The following SNX29 variants were observed in gnomAD, a reference collection of about 807,000 sequenced individuals.
SNX29 encodes sorting nexin-29.
A neutral mutation model predicts 102.1 loss-of-function variants in SNX29; 78 were observed. The observed-to-expected ratio is 0.76, with a 90% CI of 0.64 to 0.92. SNX29 has a LOEUF of 0.92. Ranked by LOEUF, SNX29 falls within the 40% of genes least tolerant of loss-of-function variation. The pLI is 0.00. For missense variants in SNX29, 1,280 were observed against 1,061.7 expected (o/e 1.21, Z -2.86); for synonymous variants, 580 against 414.5 (o/e 1.40, Z -4.85).
chr16:12,088,095 C>G (rs1437111709), intron 11 of SNX29: 2 of 456,690 alleles, frequency 4.4e-6, no homozygotes. Context: ...GCTCTCCACA[C>G]AGGTCCTGCC....
intron 11 of SNX29, among the ~76,000 whole-genome samples, chr16:12,091,018 AAAAAAAAAAAAAAAAAAAAAGAAAG>A (rs1383193982): frequency 2.1e-5 from 2 of 94,028 alleles, no homozygotes; most frequent in Non-Finnish European, 4.6e-5. Flanking sequence ...TCATCTCAAA[AAAAAAAAAAAAAAAAAAAAAGAAAG>A]AAAAAGAAAA....
intron 14 of SNX29, among the ~76,000 whole-genome samples, chr16:12,235,981 T>G (rs1357051834): frequency 2.0e-5 from 3 of 152,352 alleles, no homozygotes; most frequent in Non-Finnish European, 4.4e-5. Flanking sequence ...GTAGGACTTC[T>G]TTCTGCTAGG....
chr16:12,362,319 A>C (rs545326264), intron 16 of SNX29, among the ~76,000 whole-genome samples: 23 of 152,290 alleles, frequency 1.5e-4, no homozygotes, highest in African/African-American at 5.3e-4. Context: ...CACAGGGCTC[A>C]GTTAGACTGG....
intron 18 of SNX29, among the ~76,000 whole-genome samples, chr16:12,451,040 C>T (rs1304056354): frequency 6.6e-6 from 1 of 152,062 alleles, no homozygotes; most frequent in African/African-American, 2.4e-5. Context: ...GAATATGCAC[C>T]TTCTACAAGC....
chr16:12,077,041 A>C (rs2051609034), intron 10 of SNX29, among the ~76,000 whole-genome samples: 1 of 152,194 alleles, frequency 6.6e-6, no homozygotes, highest in African/African-American at 2.4e-5. Context: ...TGGGAGGCCA[A>C]GGTGGGAGGA....
rs574519937 is a variant in SNX29 at position 12,456,393 on chromosome 16, C to T, written c.2038-21326C>T. ...AAATACAGCACGATACTGGAAAAAACTAGGCAAGATAATTGCTCATTATAC... is the reference window on the plus strand; with the variant it reads ...AAATACAGCACGATACTGGAAAAAATTAGGCAAGATAATTGCTCATTATAC... On this transcript the variant is annotated intron_variant, in intron 18 of 20. Transcript: ENST00000566228. Among the ~76,000 whole-genome samples the T allele has an allele frequency of 7.9e-5, 12 of 152,260 alleles. No individual in the cohort carries two copies. The South Asian group carries it at 8.3e-4, about 11-fold the overall frequency.
In SNX29 at chr16:12,455,401, G is replaced by T. The variant is rs922359204; in HGVS notation, c.2038-22318G>T. ...ACACACCAGGCAAGCCCTGCATACC[G>T]GCTTGGCCAGCACCCGCCGTGGCTG... On this transcript the variant is annotated intron_variant, in intron 18 of 20. Transcript: ENST00000566228. Among the ~76,000 whole-genome samples the T allele has an allele frequency of 3.9e-5, 6 of 152,226 alleles. No homozygotes were observed. In the East Asian group the frequency reaches 1.2e-3, roughly 29 times the overall value.
intron 20 of SNX29, among the ~76,000 whole-genome samples, chr16:12,551,084 C>CT (rs1491461994): frequency 2.0e-5 from 3 of 152,112 alleles, no homozygotes; most frequent in Non-Finnish European, 4.4e-5. Context: ...CCATGTGATC[C>CT]TCTCTTTGCT....
chr16:12,400,041 A>G (rs2083880190), intron 17 of SNX29, among the ~76,000 whole-genome samples: 2 of 152,166 alleles, frequency 1.3e-5, no homozygotes, highest in African/African-American at 4.8e-5. Context: ...TGAATTAGCC[A>G]TGGTCCCTGC....
chr16:12,355,657 C>T (rs2082109185), intron 15 of SNX29, among the ~76,000 whole-genome samples: 1 of 151,862 alleles, frequency 6.6e-6, no homozygotes, highest in Non-Finnish European at 1.5e-5. Flanking sequence ...GTAGTCACCT[C>T]CAGTTTTATT....
chr16:12,541,779 C>A (rs533155363), intron 20 of SNX29, among the ~76,000 whole-genome samples: 1 of 152,266 alleles, frequency 6.6e-6, no homozygotes, highest in East Asian at 1.9e-4. Flanking sequence ...GCGTTTCCAA[C>A]CCCCTGGAAT....
At chr16:12,172,582 C>A (rs186607727) in intron 13 of SNX29, among the ~76,000 whole-genome samples, 1 of 152,318 alleles carries the variant, frequency 6.6e-6, no homozygotes, top group Admixed American at 6.5e-5. Flanking sequence ...TTATAATATT[C>A]TCTTCCTTTC....
At chr16:12,173,298 CCT>C (rs1176701763) in intron 13 of SNX29, among the ~76,000 whole-genome samples, 7 of 152,294 alleles carry the variant, frequency 4.6e-5, no homozygotes, top group African/African-American at 1.2e-4. Context: ...TGTTATATTC[CCT>C]GAGTGCTTTT....
At chr16:12,293,201 G>A (rs746736499) in intron 15 of SNX29, among the ~76,000 whole-genome samples, 6 of 152,186 alleles carry the variant, frequency 3.9e-5, no homozygotes, top group Non-Finnish European at 7.3e-5. Context: ...CTTGGCCTCC[G>A]AAAGTGCTGG....
intron 20 of SNX29, among the ~76,000 whole-genome samples, chr16:12,549,614 G>GC (rs375143748): frequency 1.5e-3 from 227 of 152,292 alleles, no homozygotes; most frequent in Middle Eastern, 6.8e-3. Context: ...CAGAGTCCTT[G>GC]CCCTCCACAC....
intron 1 of SNX29, among the ~76,000 whole-genome samples, chr16:11,984,351 G>T (rs963711846): frequency 7.0e-6 from 1 of 141,988 alleles, no homozygotes; most frequent in Non-Finnish European, 1.5e-5. Context: ...GGGTGACAGA[G>T]CCAGACCCCT....
At chr16:12,013,289 C>T (rs904455051) in intron 3 of SNX29, among the ~76,000 whole-genome samples, 1 of 150,808 alleles carries the variant, frequency 6.6e-6, no homozygotes. Context: ...CAAATTAAAG[C>T]AACAGTGAGC....
At chr16:12,387,331 TTCTTCCCAGGGCTGCAGTCTAC>T (rs747407860) in intron 16 of SNX29, among the ~76,000 whole-genome samples, 73 of 152,176 alleles carry the variant, frequency 4.8e-4, no homozygotes, top group Non-Finnish European at 9.3e-4. Context: ...CGGTGCCCCA[TTCTTCCCAGGGCTGCAGTCTAC>T]TGGTCTACTT....
chr16:12,444,474 A>G (rs922828055), intron 18 of SNX29, among the ~76,000 whole-genome samples: 3 of 152,238 alleles, frequency 2.0e-5, no homozygotes, highest in Non-Finnish European at 4.4e-5. Context: ...AGGAATAGAC[A>G]CAGATACTCA....
Sources: allele counts gnomAD v4.1 joint callset (sites outside exome capture counted in the v4.1 genomes callset), GRCh38; gene constraint gnomAD v4.1.1; transcripts MANE v1.5; gene names NCBI Gene and HGNC (gene_info 2026-07-23, HGNC 2026-07-21).